DNMT3A: variants seen among roughly 807,000 people sequenced by gnomAD.
DNMT3A encodes the protein DNA (cytosine-5)-methyltransferase 3A.
In DNMT3A, 267 loss-of-function variants were observed where a neutral mutation model predicts 117.6. The ratio of observed to expected loss-of-function variants is 2.27; its 90% CI spans 2.05 to 2.51. DNMT3A has a LOEUF of 2.51. DNMT3A is among the 30% of genes most tolerant of loss of function. The pLI, the probability that DNMT3A is intolerant of heterozygous loss-of-function variation, is 0.00. For synonymous variants in DNMT3A, 432 were observed against 474.8 expected (o/e 0.91, Z 1.17); for missense variants, 1,029 against 1,260.2 (o/e 0.82, Z 2.78).
In DNMT3A at chr2:25,282,402, T is replaced by G. The variant is rs2149378469; in HGVS notation, c.448+39A>C. 6.3e-7 allele frequency: 1 copy of G among 1,598,556 alleles called. No individual in the cohort carries two copies. Among genetic ancestry groups the G allele is most frequent in the Non-Finnish European group, 8.5e-7 (1 of 1,172,860 alleles). ...GTCCCTGACTCTCAGGGTATGCTGGTGGGCCCAGAAGAGGCTGCCCCTGGT... is the reference window on the plus strand; with the variant it reads ...GTCCCTGACTCTCAGGGTATGCTGGGGGGCCCAGAAGAGGCTGCCCCTGGT... On this transcript the variant is annotated intron_variant, in intron 4 of 22. Transcript: ENST00000321117. This position sits in a 1 kb window ranked among gnomAD's most constrained non-coding sequence, Gnocchi z 5.2.
At chr2:25,336,408 T>G (rs1287367916) in intron 1 of DNMT3A, among the ~76,000 whole-genome samples, 1 of 152,110 alleles carries the variant, frequency 6.6e-6, no homozygotes. Flanking sequence ...AAAGGGACCC[T>G]TCTCCACCTG....
At chr2:25,258,135 G>A (rs1289266361) in intron 6 of DNMT3A, among the ~76,000 whole-genome samples, 1 of 152,234 alleles carries the variant, frequency 6.6e-6, no homozygotes, top group Admixed American at 6.5e-5. Flanking sequence ...TGGAAGGTAG[G>A]GGGCTAGGAA....
chr2:25,247,044 C>T lies in DNMT3A; in HGVS notation c.1122+7G>A, dbSNP rs2276599. 0.73 allele frequency: 1,173,178 copies of T among 1,612,618 alleles called. 430,436 individuals are homozygous for T. Among genetic ancestry groups the T allele is most frequent in the Non-Finnish European group, 0.75 (884,313 of 1,179,258 alleles). ...TCCTCCTCCGAGCTCCCAGCAGGGA[C>T]ACTCACCTGCAGGACCTCGTAGATG... On this transcript the variant is annotated splice_region_variant and intron_variant, in intron 9 of 22. Transcript: ENST00000321117. The surrounding 1 kb of genome is among the most constrained non-coding windows in gnomAD (Gnocchi z 5.6).
chr2:25,242,731 TG>T (rs1012190836), intron 16 of DNMT3A, among the ~76,000 whole-genome samples: 4 of 151,970 alleles, frequency 2.6e-5, no homozygotes, highest in Admixed American at 1.3e-4. Context: ...AGCCCTTGGC[TG>T]GGGGGGCAGG....
intron 2 of DNMT3A, among the ~76,000 whole-genome samples, chr2:25,301,807 C>T (rs1243582551): frequency 1.3e-5 from 2 of 152,212 alleles, no homozygotes; most frequent in Non-Finnish European, 2.9e-5. Flanking sequence ...GAGGGGCCAA[C>T]CCAGGGCAGT....
rs1438821573 is a variant in DNMT3A at position 25,329,671 on chromosome 2, CCCCACACACA to C, written c.-178+12145_-178+12154del. On this transcript the variant is annotated intron_variant, in intron 1 of 22. Transcript: ENST00000321117. Reference sequence around the variant, plus strand: ...CAGGAGTCTCTCACAGTCATGCAGACCCCACACACACACACACACACACACACACACACAC... The same window carrying C: ...CAGGAGTCTCTCACAGTCATGCAGACCACACACACACACACACACACACAC... 1.3e-4 allele frequency among the ~76,000 whole-genome samples: 12 copies of C among 95,226 alleles called. No individual in the cohort carries two copies. The South Asian group carries it at 3.4e-3, about 27-fold the overall frequency. 62.5% of individuals were successfully genotyped at this position (95,226 alleles called of 152,430 possible).
rs1193854504 is a variant in DNMT3A at position 25,252,427 on chromosome 2, C to G, written c.640-4175G>C. 2.3e-6 allele frequency: 1 copy of G among 435,268 alleles called. No homozygotes were observed. The highest frequency in any genetic ancestry group is 3.7e-5 in the East Asian group (1 of 27,188). The allele number at this position is 435,268 out of a possible 1,614,324, so 27.0% of individuals were successfully genotyped here. A position where few individuals can be genotyped will look rare whatever the true frequency, so the allele number is the denominator to read the frequency against. On this transcript the variant is annotated intron_variant, in intron 6 of 22. Coordinates refer to ENST00000321117, the MANE Select transcript of DNMT3A (RefSeq NM_022552.5). The surrounding 1 kb of genome is among the most constrained non-coding windows in gnomAD (Gnocchi z 5.5). ...AGGGCCTGGTTGGCTGCGAGCGGCCCGGGGAGGGGGCCGGCGCTCCGACGC... is the reference window on the plus strand; with the variant it reads ...AGGGCCTGGTTGGCTGCGAGCGGCCGGGGGAGGGGGCCGGCGCTCCGACGC...
chr2:25,243,329 C>T (rs1449989978), intron 16 of DNMT3A, among the ~76,000 whole-genome samples: 9 of 151,694 alleles, frequency 5.9e-5, no homozygotes, highest in East Asian at 3.8e-4. Context: ...AGCTTTATAT[C>T]GCTTGACATG....
At chr2:25,310,174 G>A (rs2034030378) in intron 2 of DNMT3A, among the ~76,000 whole-genome samples, 1 of 152,124 alleles carries the variant, frequency 6.6e-6, no homozygotes, top group Admixed American at 6.5e-5. Context: ...CTGAGAACAG[G>A]GGCCTGGCCT....
At chr2:25,313,578 T>C (rs1411384446) in intron 2 of DNMT3A, among the ~76,000 whole-genome samples, 1 of 152,120 alleles carries the variant, frequency 6.6e-6, no homozygotes, top group Non-Finnish European at 1.5e-5. Context: ...CCACGGCTAG[T>C]AAGAGGCGGG....
intron 6 of DNMT3A, 144 bp downstream of exon 6, chr2:25,274,797 G>C: frequency 8.1e-7 from 1 of 1,227,636 alleles, no homozygotes; most frequent in Non-Finnish European, 1.1e-6. Flanking sequence ...TGCTGAAGGA[G>C]CAGATGAACC....
intron 6 of DNMT3A, among the ~76,000 whole-genome samples, chr2:25,270,101 T>A (rs913852738): frequency 1.3e-5 from 2 of 152,218 alleles, no homozygotes; most frequent in Non-Finnish European, 2.9e-5. Context: ...TCCAGCCACA[T>A]TTCCTAGCTG....
intron 5 of DNMT3A, 152 bp from the exon 6 acceptor site, chr2:25,275,239 C>T (rs1427303336): frequency 4.2e-6 from 5 of 1,203,860 alleles, no homozygotes; most frequent in Admixed American, 6.1e-5. Context: ...GCTGGAGGAG[C>T]GAGGGGCATG....
intron 14 of DNMT3A, 78 bp downstream of exon 14, chr2:25,244,462 G>A: frequency 6.3e-7 from 1 of 1,582,894 alleles, no homozygotes; most frequent in Non-Finnish European, 8.7e-7. Context: ...CTGTGGGGAA[G>A]GGAGAGGAGG....
intron 19 of DNMT3A, 60 bp from the exon 20 acceptor site, chr2:25,239,275 T>G: frequency 6.7e-7 from 1 of 1,502,282 alleles, no homozygotes; most frequent in Non-Finnish European, 9.2e-7. Flanking sequence ...AGCGCCGGCA[T>G]GCTGCTGGGG....
chr2:25,266,229 G>C (rs1010004689), intron 6 of DNMT3A, among the ~76,000 whole-genome samples: 1 of 152,194 alleles, frequency 6.6e-6, no homozygotes, highest in South Asian at 2.1e-4. Flanking sequence ...CTTGGGTAAA[G>C]TATACTTGCT....
chr2:25,341,705 C>G (rs2035464375), intron 1 of DNMT3A, 121 bp downstream of exon 1: 2 of 742,000 alleles, frequency 2.7e-6, no homozygotes, highest in Non-Finnish European at 3.3e-6. Context: ...CGCCGAGTTG[C>G]AGGGGTCCGG....
intron 6 of DNMT3A, among the ~76,000 whole-genome samples, chr2:25,268,318 T>C (rs1403227354): frequency 1.3e-5 from 2 of 152,118 alleles, no homozygotes; most frequent in Non-Finnish European, 2.9e-5. Flanking sequence ...AGAATCCGGC[T>C]GGGGTGAAGA....
chr2:25,320,233 G>T (rs2034541088), intron 1 of DNMT3A, among the ~76,000 whole-genome samples: 1 of 152,234 alleles, frequency 6.6e-6, no homozygotes, highest in South Asian at 2.1e-4. Context: ...CAGAGCATCA[G>T]CTACAATGTG....
Sources: allele counts gnomAD v4.1 joint callset (sites outside exome capture counted in the v4.1 genomes callset), GRCh38; gene constraint gnomAD v4.1.1; non-coding constraint Gnocchi (gnomAD v3.1); transcripts MANE v1.5; gene names NCBI Gene and HGNC (gene_info 2026-07-23, HGNC 2026-07-21).